The following BHLHE23 variants were observed in gnomAD, a reference collection of about 807,000 sequenced individuals.
BHLHE23 encodes the protein class E basic helix-loop-helix protein 23.
For synonymous variants in BHLHE23, 204 were observed against 184.4 expected, an observed-to-expected ratio of 1.11 and a Z score of -0.86; for missense variants, 401 against 380.0, an observed-to-expected ratio of 1.06 and a Z score of -0.46.
Position 63,006,617 on chromosome 20 carries a change from G to C in BHLHE23, c.158C>G (p.Ala53Gly). 1 of 1,343,582 alleles carries C rather than the reference G, an allele frequency of 7.4e-7. No homozygotes were observed. Among genetic ancestry groups the C allele is most frequent in the Non-Finnish European group, 9.5e-7 (1 of 1,047,306 alleles). 83.2% of individuals were successfully genotyped at this position (1,343,582 alleles called of 1,614,324 possible). ...AYGAAREPEA[A>G]RGYGTPGPGG... is the part of the protein sequence containing the mutation. ...CGGGCCCGGAGTGCCGTAGCCGCGGGCCGCTTCGGGTTCTCGCGCCGCCCC... is the reference window on the plus strand; with the variant it reads ...CGGGCCCGGAGTGCCGTAGCCGCGGCCCGCTTCGGGTTCTCGCGCCGCCCC... The change falls in exon 1 of 1, where the codon GCC (alanine) becomes GGC (glycine). Residue 53 changes from alanine to glycine, a missense_variant. Transcript: ENST00000612929.
rs1319539944 is a variant in BHLHE23 at position 63,006,452 on chromosome 20, C to T, written c.323G>A (p.Arg108Gln). 6 of 1,439,416 alleles carry T rather than the reference C, an allele frequency of 4.2e-6. No homozygotes were observed. The highest frequency in any genetic ancestry group is 3.0e-5 in the Admixed American group (1 of 33,848). 89.2% of individuals were successfully genotyped at this position (1,439,416 alleles called of 1,614,324 possible). A position where few individuals can be genotyped will look rare whatever the true frequency, so the allele number is the denominator to read the frequency against. ...AGACCGCTGCTCTCGCGGCCGCCGC[C>T]GCCCGTCCGCCGCGCTCCCTGGCCC... ...RRGPGSAADG[R>Q]RRPREQRSLR... is the part of the protein sequence containing the mutation. The change falls in exon 1 of 1, where the codon CGG becomes CAG. Residue 108 changes from arginine to glutamine, a missense_variant. Coordinates refer to ENST00000612929, the MANE Select transcript of BHLHE23 (RefSeq NM_080606.4).
In BHLHE23 at chr20:63,006,458, T is replaced by G. The variant is rs2065791989; in HGVS notation, c.317A>C (p.Asp106Ala). ...RRRRGPGSAA[D>A]GRRRPREQRS... is the part of the protein sequence containing the mutation. ...CTGCTCTCGCGGCCGCCGCCGCCCG[T>G]CCGCCGCGCTCCCTGGCCCGCGCCG... Residue 106 changes from aspartate to alanine, a missense_variant, in exon 1 of 1, where the codon GAC (aspartate) becomes GCC (alanine). Physicochemically the swap from Asp to Ala is moderately radical, Grantham distance 126 (BLOSUM62 -2). Transcript: ENST00000612929. The G allele has an allele frequency of 1.1e-5, 16 of 1,428,912 alleles. No homozygotes were observed. The highest frequency in any genetic ancestry group is 2.9e-5 in the South Asian group (2 of 69,166). 88.5% of individuals were successfully genotyped at this position (1,428,912 alleles called of 1,614,324 possible).
chr20:63,006,443 GGCC>G lies in BHLHE23; in HGVS notation c.329_331del (p.Arg110del). 2 of 1,461,424 alleles carry G rather than the reference GGCC, an allele frequency of 1.4e-6. No individual in the cohort carries two copies. Among genetic ancestry groups the G allele is most frequent in the Admixed American group, 2.7e-5 (1 of 36,374 alleles). The allele number at this position is 1,461,424 out of a possible 1,614,324, so 90.5% of individuals were successfully genotyped here. A position where few individuals can be genotyped will look rare whatever the true frequency, so the allele number is the denominator to read the frequency against. On this transcript the variant is annotated inframe_deletion, in exon 1 of 1. Coordinates refer to ENST00000612929, the MANE Select transcript of BHLHE23 (RefSeq NM_080606.4). ...GAGCCGCAGAGACCGCTGCTCTCGC[GGCC>G]GCCGCCGCCCGTCCGCCGCGCTCCC...
At position 63,006,406 on chromosome 20, in the gene BHLHE23, C is replaced by T; in HGVS notation, c.369G>A (p.Ala123=). 1 of 1,583,378 alleles carries T rather than the reference C, an allele frequency of 6.3e-7. No homozygotes were observed. Among genetic ancestry groups the T allele is most frequent in the Non-Finnish European group, 8.5e-7 (1 of 1,172,076 alleles). Residue 123 remains alanine, a synonymous_variant, in exon 1 of 1, where the codon GCG becomes GCA. Coordinates refer to ENST00000612929, the MANE Select transcript of BHLHE23 (RefSeq NM_080606.4). The part of the protein sequence containing the change: ...EQRSLRLSIN[A]RERRRMHDLN... The stretch of plus-strand genomic sequence containing the variant: ...GGTCGTGCATGCGCCGCCGCTCGCG[C>T]GCGTTGATGCTGAGCCGCAGAGACC...
At position 63,006,629 on chromosome 20, in the gene BHLHE23, T is replaced by C; in HGVS notation, c.146A>G (p.Glu49Gly). Residue 49 changes from glutamate to glycine, a missense_variant, in exon 1 of 1, where the codon GAA becomes GGA. Coordinates refer to ENST00000612929, the MANE Select transcript of BHLHE23 (RefSeq NM_080606.4). ...GCCGTAGCCGCGGGCCGCTTCGGGT[T>C]CTCGCGCCGCCCCGTAGGCGAGACC... ...AAGLAYGAAR[E>G]PEAARGYGTP... 7.4e-7 allele frequency: 1 copy of C among 1,352,698 alleles called. No individual in the cohort carries two copies. The highest frequency in any genetic ancestry group is 9.5e-7 in the Non-Finnish European group (1 of 1,052,132). The allele number at this position is 1,352,698 out of a possible 1,614,324, so 83.8% of individuals were successfully genotyped here.
chr20:63,006,671 T>G lies in BHLHE23; in HGVS notation c.104A>C (p.Tyr35Ser). The G allele has an allele frequency of 7.3e-7, 1 of 1,369,286 alleles. No individual in the cohort carries two copies. Among genetic ancestry groups the G allele is most frequent in the East Asian group, 3.1e-5 (1 of 32,106 alleles). 84.8% of individuals were successfully genotyped at this position (1,369,286 alleles called of 1,614,324 possible). Residue 35 changes from tyrosine to serine, a missense_variant, in exon 1 of 1, where the codon TAC (tyrosine) becomes TCC (serine). By Grantham distance (144) the Tyr-to-Ser change is moderately radical. Transcript: ENST00000612929. ...GGCGAGACCCGCAGCCGCCGCCGCG[T>G]AGCCGTGGCTTAGTGCCAGGTACGC... ...GDAYLALSHG[Y>S]AAAAAGLAYG... is the part of the protein sequence containing the mutation.
Position 63,006,289 on chromosome 20 carries a change from G to A in BHLHE23, c.486C>T (p.Leu162=), listed in dbSNP as rs765562662. 6.2e-7 allele frequency: 1 copy of A among 1,611,438 alleles called. No homozygotes were observed. The highest frequency in any genetic ancestry group is 8.5e-7 in the Non-Finnish European group (1 of 1,179,758). The change falls in exon 1 of 1, where the codon CTC becomes CTT. Residue 162 remains leucine (L), a synonymous_variant. Transcript: ENST00000612929. ...RKLSKIATLL[L]AKNYILMQAQ... ...CCTGCATGAGGATATAGTTCTTGGC[G>A]AGCAGCAGCGTGGCGATCTTGGAGA...
In BHLHE23 at chr20:63,005,995, A is replaced by G; in HGVS notation, c.*54T>C. 1 of 1,454,748 alleles carries G rather than the reference A, an allele frequency of 6.9e-7. No individual in the cohort carries two copies. The highest frequency in any genetic ancestry group is 9.0e-7 in the Non-Finnish European group (1 of 1,109,808). 90.1% of individuals were successfully genotyped at this position (1,454,748 alleles called of 1,614,324 possible). On this transcript the variant is annotated 3_prime_UTR_variant, in exon 1 of 1. Transcript: ENST00000612929. ...AGGCCTTTCCTGTCCGGGCAGAGAG[A>G]CAGTCACAGGGGCGATCGGAGGACG... is the stretch of plus-strand genomic sequence containing the variant.
chr20:63,006,441 G>C lies in BHLHE23; in HGVS notation c.334C>G (p.Arg112Gly). The C allele has an allele frequency of 6.8e-7, 1 of 1,466,858 alleles. No homozygotes were observed. The highest frequency in any genetic ancestry group is 3.0e-5 in the East Asian group (1 of 33,724). 90.9% of individuals were successfully genotyped at this position (1,466,858 alleles called of 1,614,324 possible). A position where few individuals can be genotyped will look rare whatever the true frequency, so the allele number is the denominator to read the frequency against. The change falls in exon 1 of 1, where the codon CGA becomes GGA. Residue 112 changes from arginine (R) to glycine (G), a missense_variant. Coordinates refer to ENST00000612929, the MANE Select transcript of BHLHE23 (RefSeq NM_080606.4). Reference sequence around the variant, plus strand: ...CTGAGCCGCAGAGACCGCTGCTCTCGCGGCCGCCGCCGCCCGTCCGCCGCG... The same window carrying C: ...CTGAGCCGCAGAGACCGCTGCTCTCCCGGCCGCCGCCGCCCGTCCGCCGCG... ...GSAADGRRRP[R>G]EQRSLRLSIN...
Position 63,006,154 on chromosome 20 carries a change from C to T in BHLHE23, c.621G>A (p.Val207=), listed in dbSNP as rs1433371852. ...APLTPFGQAT[V]CPFSAGAALG... is the part of the protein sequence containing the mutation. ...GGGCGGCGCCTGCGGAGAAGGGGCA[C>T]ACAGTGGCCTGGCCGAAGGGCGTCA... Residue 207 remains valine (V), a synonymous_variant, in exon 1 of 1, where the codon GTG becomes GTA. Coordinates refer to ENST00000612929, the MANE Select transcript of BHLHE23 (RefSeq NM_080606.4). The T allele has an allele frequency of 6.4e-7, 1 of 1,554,214 alleles. No homozygotes were observed. Among genetic ancestry groups the T allele is most frequent in the East Asian group, 2.4e-5 (1 of 41,604 alleles).
Position 63,005,984 on chromosome 20 carries a change from C to T in BHLHE23, c.*65G>A. ...AGGGTCCCTCCAGGCCTTTCCTGTC[C>T]GGGCAGAGAGACAGTCACAGGGGCG... On this transcript the variant is annotated 3_prime_UTR_variant, in exon 1 of 1. Coordinates refer to ENST00000612929, the MANE Select transcript of BHLHE23 (RefSeq NM_080606.4). 4 of 1,446,448 alleles carry T rather than the reference C, an allele frequency of 2.8e-6. No individual in the cohort carries two copies. The highest frequency in any genetic ancestry group is 2.7e-5 in the Admixed American group (1 of 36,840). 89.6% of individuals were successfully genotyped at this position (1,446,448 alleles called of 1,614,324 possible). A position where few individuals can be genotyped will look rare whatever the true frequency, so the allele number is the denominator to read the frequency against.
chr20:63,006,317 T>C lies in BHLHE23; in HGVS notation c.458A>G (p.Lys153Arg), dbSNP rs755528740. Residue 153 changes from lysine to arginine, a missense_variant, in exon 1 of 1, where the codon AAG (lysine) becomes AGG (arginine). Coordinates refer to ENST00000612929, the MANE Select transcript of BHLHE23 (RefSeq NM_080606.4). ...CAGCAGCGTGGCGATCTTGGAGAGC[T>C]TGCGCACCGACGGGCTGTGCGCGTA... Reference protein sequence around the residue: ...IPYAHSPSVRKLSKIATLLLA... With the variant: ...IPYAHSPSVRRLSKIATLLLA... The C allele has an allele frequency of 2.5e-6, 4 of 1,611,398 alleles. No homozygotes were observed. The highest frequency in any genetic ancestry group is 2.2e-5 in the East Asian group (1 of 44,862).
At position 63,006,253 on chromosome 20, in the gene BHLHE23, C is replaced by T. The variant is rs1193353678; in HGVS notation, c.522G>A (p.Leu174=). ...AGGCCACCAGGCGCCGCATCTCGTC[C>T]AGGGCCTGCGCCTGCATGAGGATAT... ...KNYILMQAQA[L]DEMRRLVAFL... Residue 174 remains leucine, a synonymous_variant, in exon 1 of 1, where the codon CTG becomes CTA. Coordinates refer to ENST00000612929, the MANE Select transcript of BHLHE23 (RefSeq NM_080606.4). 4.3e-6 allele frequency: 7 copies of T among 1,610,736 alleles called. No homozygotes were observed. The highest frequency in any genetic ancestry group is 5.1e-6 in the Non-Finnish European group (6 of 1,179,616).
In BHLHE23 at chr20:63,006,329, G is replaced by T. The variant is rs748920745; in HGVS notation, c.446C>A (p.Pro149Gln). 1.9e-6 allele frequency: 3 copies of T among 1,611,190 alleles called. No individual in the cohort carries two copies. The highest frequency in any genetic ancestry group is 2.5e-6 in the Non-Finnish European group (3 of 1,179,676). The change falls in exon 1 of 1, where the codon CCG becomes CAG. Residue 149 changes from proline (P) to glutamine (Q), a missense_variant. Pro to Gln is a moderately conservative substitution (Grantham distance 76). Transcript: ENST00000612929. ...LRAVIPYAHS[P>Q]SVRKLSKIAT... ...GATCTTGGAGAGCTTGCGCACCGAC[G>T]GGCTGTGCGCGTAGGGGATGACGGC...
rs777237444 is a variant in BHLHE23, at chr20:63,006,382, G to A, written c.393C>T (p.Asp131=). Residue 131 remains aspartate, a synonymous_variant, in exon 1 of 1, where the codon GAC becomes GAT. Transcript: ENST00000612929. The part of the protein sequence containing the change: ...INARERRRMH[D]LNDALDGLRA... The stretch of plus-strand genomic sequence containing the variant: ...GCAGCCCGTCCAGCGCGTCGTTTAG[G>A]TCGTGCATGCGCCGCCGCTCGCGCG... 3 of 1,603,020 alleles carry A rather than the reference G, an allele frequency of 1.9e-6. No homozygotes were observed. The highest frequency in any genetic ancestry group is 4.5e-5 in the East Asian group (2 of 44,572).
At position 63,006,512 on chromosome 20, in the gene BHLHE23, T is replaced by C. The variant is rs2065792300; in HGVS notation, c.263A>G (p.Glu88Gly). 2 of 1,310,230 alleles carry C rather than the reference T, an allele frequency of 1.5e-6. No individual in the cohort carries two copies. Among genetic ancestry groups the C allele is most frequent in the African/African-American group, 1.6e-5 (1 of 64,064 alleles). The allele number at this position is 1,310,230 out of a possible 1,614,324, so 81.2% of individuals were successfully genotyped here. ...AESSGEQSGD[E>G]DDAFEQRRRR... ...CCGCCGCTGCTCGAAGGCGTCGTCC[T>C]CGTCCCCGCTCTGTTCGCCGCTGCT... The change falls in exon 1 of 1, where the codon GAG becomes GGG. Residue 88 changes from glutamate (E) to glycine (G), a missense_variant. Glu to Gly is a moderately conservative substitution (Grantham distance 98). Coordinates refer to ENST00000612929, the MANE Select transcript of BHLHE23 (RefSeq NM_080606.4).
Position 63,006,000 on chromosome 20 carries a change from C to T in BHLHE23, c.*49G>A. ...TTTCCTGTCCGGGCAGAGAGACAGT[C>T]ACAGGGGCGATCGGAGGACGCGTGC... On this transcript the variant is annotated 3_prime_UTR_variant, in exon 1 of 1. Transcript: ENST00000612929. 1 of 1,473,780 alleles carries T rather than the reference C, an allele frequency of 6.8e-7. No individual in the cohort carries two copies. The highest frequency in any genetic ancestry group is 8.9e-7 in the Non-Finnish European group (1 of 1,118,328). 91.3% of individuals were successfully genotyped at this position (1,473,780 alleles called of 1,614,324 possible).
In BHLHE23 at chr20:63,006,704, G is replaced by T; in HGVS notation, c.71C>A (p.Ser24Ter). 2 of 1,364,360 alleles carry T rather than the reference G, an allele frequency of 1.5e-6. No individual in the cohort carries two copies. Among genetic ancestry groups the T allele is most frequent in the Non-Finnish European group, 1.9e-6 (2 of 1,059,368 alleles). The allele number at this position is 1,364,360 out of a possible 1,614,324, so 84.5% of individuals were successfully genotyped here. A position where few individuals can be genotyped will look rare whatever the true frequency, so the allele number is the denominator to read the frequency against. Residue 24 changes from serine (S) to a stop codon, truncating the protein, a stop_gained, in exon 1 of 1, where the codon TCG (serine) becomes TAG (stop). Transcript: ENST00000612929. LOFTEE classifies it low-confidence loss of function (END_TRUNC). ...GAAMAELKSL[S>*]GDAYLALSHG... ...GCTTAGTGCCAGGTACGCGTCCCCC[G>T]ACAGCGACTTGAGCTCGGCCATGGC... is the stretch of plus-strand genomic sequence containing the variant.
chr20:63,006,290 A>G lies in BHLHE23; in HGVS notation c.485T>C (p.Leu162Pro). Residue 162 changes from leucine (L) to proline (P), a missense_variant, in exon 1 of 1, where the codon CTC becomes CCC. By Grantham distance (98) the Leu-to-Pro change is moderately conservative. Transcript: ENST00000612929. ...CTGCATGAGGATATAGTTCTTGGCG[A>G]GCAGCAGCGTGGCGATCTTGGAGAG... ...RKLSKIATLL[L>P]AKNYILMQAQ... The G allele has an allele frequency of 6.2e-7, 1 of 1,611,556 alleles. No homozygotes were observed. Among genetic ancestry groups the G allele is most frequent in the East Asian group, 2.2e-5 (1 of 44,862 alleles).
Sources: gnomAD v4.1 joint callset for allele counts on GRCh38, gnomAD v4.1.1 for gene constraint, MANE v1.5 for transcripts, NCBI Gene and HGNC (gene_info 2026-07-23, HGNC 2026-07-21) for gene names.